Variants in PRKN observed in about 807,000 individuals in gnomAD.
PRKN encodes E3 ubiquitin-protein ligase parkin.
In PRKN, 56 loss-of-function variants were observed where a neutral mutation model predicts 59.5. The observed-to-expected ratio is 0.94, with a 90% confidence interval of 0.76 to 1.18. PRKN has a LOEUF of 1.18. Ranked by LOEUF, PRKN falls within the 50% of genes most tolerant of loss-of-function variation. The pLI is 0.00. For missense variants in PRKN, 657 were observed against 596.4 expected (o/e 1.10, Z -1.06); for synonymous variants, 250 against 222.1 (o/e 1.13, Z -1.12).
chr6:161,350,312 C>T (rs1784478517), intron 11 of PRKN, 101 bp from the exon 12 acceptor site: 4 of 779,466 alleles, frequency 5.1e-6, no homozygotes, highest in African/African-American at 1.7e-5. Context: ...ACTTTCTGAG[C>T]GAATAATCAC....
rs1200335397 is a variant in PRKN at position 161,460,940 on chromosome 6, G to A, written c.1084-74063C>T. Among the ~76,000 whole-genome samples the A allele has an allele frequency of 5.4e-5, 8 of 149,250 alleles. No homozygotes were observed. The highest frequency in any genetic ancestry group is 2.0e-4 in the African/African-American group (8 of 40,296). Reference sequence around the variant, plus strand: ...AATTTTTCTTTCTTTTTTTTTTTTAGCAGAGACGGGGTTTCACCATGTTGG... The same window carrying A: ...AATTTTTCTTTCTTTTTTTTTTTTAACAGAGACGGGGTTTCACCATGTTGG... On this transcript the variant is annotated intron_variant, in intron 9 of 11. Transcript: ENST00000366898. This position sits in a 1 kb window ranked among gnomAD's most constrained non-coding sequence, Gnocchi z 5.0.
intron 1 of PRKN, among the ~76,000 whole-genome samples, chr6:162,656,197 G>A (rs1778633470): frequency 6.6e-6 from 1 of 152,154 alleles, no homozygotes; most frequent in Non-Finnish European, 1.5e-5. Context: ...CAACTTTTCA[G>A]CTACATATGT....
chr6:161,853,311 T>G (rs1318673521), intron 6 of PRKN, among the ~76,000 whole-genome samples: 1 of 152,204 alleles, frequency 6.6e-6, no homozygotes, highest in Non-Finnish European at 1.5e-5. Flanking sequence ...TGAATACAAT[T>G]TATTTTATTC....
intron 2 of PRKN, among the ~76,000 whole-genome samples, chr6:162,278,904 A>G (rs1019562462): frequency 6.6e-6 from 1 of 152,200 alleles, no homozygotes; most frequent in Non-Finnish European, 1.5e-5. Flanking sequence ...GCAAAGTGTT[A>G]ACAGTTGGGG....
intron 2 of PRKN, among the ~76,000 whole-genome samples, chr6:162,320,388 AGCATTTTAAGATCAAACAAG>A (rs1782957335): frequency 2.2e-5 from 3 of 137,772 alleles, no homozygotes; most frequent in African/African-American, 2.7e-5. Context: ...AAAAAAACCA[AGCATTTTAAGATCAAACAAG>A]CAAAAAAAAC....
At chr6:161,723,962 A>G (rs1020695940) in intron 7 of PRKN, among the ~76,000 whole-genome samples, 1 of 152,132 alleles carries the variant, frequency 6.6e-6, no homozygotes, top group Non-Finnish European at 1.5e-5. Context: ...GCACTCACCT[A>G]CAGCTCCTTC....
intron 7 of PRKN, among the ~76,000 whole-genome samples, chr6:161,613,625 T>C (rs1288163731): frequency 6.6e-6 from 1 of 152,044 alleles, no homozygotes; most frequent in Admixed American, 6.5e-5. Context: ...GTCTTAGAAA[T>C]TGCCACAGCC....
chr6:162,427,371 C>G (rs1348111926), intron 2 of PRKN, among the ~76,000 whole-genome samples: 1 of 152,120 alleles, frequency 6.6e-6, no homozygotes, highest in Non-Finnish European at 1.5e-5. Context: ...TAAGAATGTT[C>G]AGTGCAGCAC....
intron 1 of PRKN, among the ~76,000 whole-genome samples, chr6:162,475,038 A>G: frequency 6.6e-6 from 1 of 152,196 alleles, no homozygotes; most frequent in South Asian, 2.1e-4. Flanking sequence ...AGTAAACTTA[A>G]GGCAAGGAAT....
chr6:162,291,033 G>A (rs1029540638), intron 2 of PRKN, among the ~76,000 whole-genome samples: 1 of 152,138 alleles, frequency 6.6e-6, no homozygotes, highest in Non-Finnish European at 1.5e-5. Flanking sequence ...AGAAAGGAGC[G>A]ATGTCATGGG....
chr6:161,668,539 A>G (rs78478103), intron 7 of PRKN, among the ~76,000 whole-genome samples: 2,202 of 152,268 alleles, frequency 0.014, 64 homozygotes, highest in African/African-American at 0.05. Flanking sequence ...TCATGACCAG[A>G]AAGAGTTGCA....
chr6:161,702,338 A>G (rs1786287522), intron 7 of PRKN, among the ~76,000 whole-genome samples: 2 of 152,216 alleles, frequency 1.3e-5, no homozygotes, highest in Non-Finnish European at 2.9e-5. Context: ...CATCCATACA[A>G]TGGAATACTG....
rs1371115187 is a variant in PRKN at position 161,350,105 on chromosome 6, G to A, written c.1392C>T (p.Asp464=). The A allele has an allele frequency of 3.1e-6, 5 of 1,611,634 alleles. No individual in the cohort carries two copies. Among genetic ancestry groups the A allele is most frequent in the South Asian group, 1.1e-5 (1 of 91,026 alleles). Residue 464 remains aspartate (D), a synonymous_variant, in exon 12 of 12, where the codon GAC becomes GAT. Coordinates refer to ENST00000366898, the MANE Select transcript of PRKN (RefSeq NM_004562.3). The part of the protein sequence containing the change: ...NRVCMGDHWF[D]V ...GGGCGCCCGGCCGCCCTGGCTACAC[G>A]TCGAACCAGTGGTCCCCCATGCAGA...
At chr6:162,477,482 G>A (rs1396799382) in intron 1 of PRKN, among the ~76,000 whole-genome samples, 1 of 152,124 alleles carries the variant, frequency 6.6e-6, no homozygotes, top group Non-Finnish European at 1.5e-5. Context: ...CAGAACTACT[G>A]GCTTTATAAG....
intron 5 of PRKN, among the ~76,000 whole-genome samples, chr6:162,013,067 T>G (rs1001685145): frequency 1.3e-5 from 2 of 152,172 alleles, no homozygotes; most frequent in African/African-American, 4.8e-5. Context: ...CCTGCTTGAA[T>G]CAATTATTAG....
chr6:161,418,482 T>C (rs1255713473), intron 9 of PRKN, among the ~76,000 whole-genome samples: 2 of 152,212 alleles, frequency 1.3e-5, no homozygotes, highest in African/African-American at 4.8e-5. Flanking sequence ...CTTTGCTCTT[T>C]GAAATCAAAA....
chr6:162,376,868 G>C (rs1333361597), intron 2 of PRKN, among the ~76,000 whole-genome samples: 1 of 107,214 alleles, frequency 9.3e-6, no homozygotes, highest in Non-Finnish European at 1.9e-5. Flanking sequence ...GAAAGGGGGA[G>C]GAAGAGGGGG....
intron 9 of PRKN, among the ~76,000 whole-genome samples, chr6:161,435,365 A>G (rs1434218177): frequency 6.6e-6 from 1 of 152,172 alleles, no homozygotes; most frequent in Non-Finnish European, 1.5e-5. Context: ...CTGGTTGGCG[A>G]TAATCCCTAA....
At chr6:162,086,770 T>G (rs1054139900) in intron 4 of PRKN, among the ~76,000 whole-genome samples, 1 of 152,210 alleles carries the variant, frequency 6.6e-6, no homozygotes, top group Non-Finnish European at 1.5e-5. Flanking sequence ...CTTAACTACA[T>G]CACTGATGCA....
Sources: allele counts gnomAD v4.1 joint callset (sites outside exome capture counted in the v4.1 genomes callset), GRCh38; gene constraint gnomAD v4.1.1; non-coding constraint Gnocchi (gnomAD v3.1); transcripts MANE v1.5; gene names NCBI Gene and HGNC (gene_info 2026-07-23, HGNC 2026-07-21).